TENM4: variants seen among roughly 807,000 people sequenced by gnomAD.
The protein encoded by TENM4 is teneurin transmembrane protein 4, also known as teneurin-4.
In TENM4, 82 loss-of-function variants were observed where a neutral mutation model predicts 243.3. The ratio of observed to expected loss-of-function variants is 0.34; its 90% confidence interval spans 0.28 to 0.40. The LOEUF is 0.40. Ranked by LOEUF, TENM4 falls within the 10% of genes least tolerant of loss-of-function variation. TENM4 has a pLI of 1.00. For missense variants in TENM4, 3,138 were observed against 3,673.3 expected (o/e 0.85, Z 3.77); for synonymous variants, 1,412 against 1,456.3 (o/e 0.97, Z 0.69).
chr11:78,982,086 G>A (rs1336015674), intron 6 of TENM4, among the ~76,000 whole-genome samples: 1 of 152,164 alleles, frequency 6.6e-6, no homozygotes, highest in African/African-American at 2.4e-5. Flanking sequence ...CCGATAAGTA[G>A]GATAATAATA....
At chr11:78,673,473 C>T (rs149922177) in intron 30 of TENM4, among the ~76,000 whole-genome samples, 46 of 152,132 alleles carry the variant, frequency 3.0e-4, no homozygotes, top group African/African-American at 1.0e-3. Context: ...ATGTGTGGAC[C>T]GAGGCAATGA....
intron 4 of TENM4, among the ~76,000 whole-genome samples, chr11:79,147,883 C>T (rs1862421887): frequency 1.3e-5 from 2 of 152,198 alleles, no homozygotes; most frequent in African/African-American, 2.4e-5. Context: ...CAAGACCTGG[C>T]CCATTCCAGT....
At chr11:78,870,222 T>C (rs534628893) in intron 9 of TENM4, among the ~76,000 whole-genome samples, 13 of 152,236 alleles carry the variant, frequency 8.5e-5, no homozygotes, top group Non-Finnish European at 1.5e-4. Context: ...TAAATGGCAG[T>C]TGTATCATCA....
chr11:78,671,308 C>T (rs936994462), intron 31 of TENM4, among the ~76,000 whole-genome samples: 9 of 152,084 alleles, frequency 5.9e-5, no homozygotes, highest in East Asian at 3.9e-4. Flanking sequence ...TTAGTACTAG[C>T]GCAAAATGTC....
intron 1 of TENM4, among the ~76,000 whole-genome samples, chr11:79,315,237 G>A (rs990066237): frequency 6.6e-6 from 1 of 152,194 alleles, no homozygotes; most frequent in African/African-American, 2.4e-5. Context: ...AGGGAAATGA[G>A]AAGAGCTGGA....
chr11:79,427,851 T>C (rs1859088064), intron 1 of TENM4, among the ~76,000 whole-genome samples: 1 of 152,198 alleles, frequency 6.6e-6, no homozygotes, highest in Non-Finnish European at 1.5e-5. Context: ...TATAACATAA[T>C]ACGTGGAACT....
At chr11:78,742,254 A>C (rs779396514) in intron 19 of TENM4, among the ~76,000 whole-genome samples, 6 of 152,216 alleles carry the variant, frequency 3.9e-5, no homozygotes, top group Non-Finnish European at 7.3e-5. Flanking sequence ...ACAATCAAGT[A>C]ACTGAAAGAG....
intron 20 of TENM4, among the ~76,000 whole-genome samples, chr11:78,736,481 C>CGCGT (rs1855799330): frequency 8.3e-6 from 1 of 119,772 alleles, no homozygotes; most frequent in African/African-American, 4.4e-5. Flanking sequence ...TGTGTGTGTG[C>CGCGT]GCGCGCGTGC....
At chr11:79,053,968 T>G (rs1859870471) in intron 6 of TENM4, among the ~76,000 whole-genome samples, 1 of 152,206 alleles carries the variant, frequency 6.6e-6, no homozygotes, top group South Asian at 2.1e-4. Flanking sequence ...AGATTTCTCT[T>G]GACATGCTAG....
At chr11:78,764,045 G>A (rs990867579) in intron 18 of TENM4, among the ~76,000 whole-genome samples, 6 of 147,332 alleles carry the variant, frequency 4.1e-5, no homozygotes, top group East Asian at 2.0e-4. Flanking sequence ...TTGTGTCTGC[G>A]TCCTTATCAG....
At chr11:79,327,880 C>G (rs1856999802) in intron 1 of TENM4, among the ~76,000 whole-genome samples, 1 of 152,086 alleles carries the variant, frequency 6.6e-6, no homozygotes, top group Non-Finnish European at 1.5e-5. Flanking sequence ...TTTTCAAGCC[C>G]TGACCATGAA....
At position 78,708,391 on chromosome 11, in the gene TENM4, G is replaced by C. The variant is rs570972838; in HGVS notation, c.4179C>G (p.Leu1393=). The change falls in exon 27 of 34, where the codon CTC becomes CTG. Residue 1393 remains leucine (L), a synonymous_variant. Coordinates refer to ENST00000278550, the MANE Select transcript of TENM4 (RefSeq NM_001098816.3). ...GSNDLTSARP[L]SCDSVMDISQ... The stretch of plus-strand genomic sequence containing the variant: ...AAATATCCATGACAGAATCACAGCT[G>C]AGTGGCCGGGCTGATGTGAGATCAT... 1 of 1,614,052 alleles carries C rather than the reference G, an allele frequency of 6.2e-7. No individual in the cohort carries two copies. Among genetic ancestry groups the C allele is most frequent in the African/African-American group, 1.3e-5 (1 of 75,060 alleles).
At chr11:78,793,383 C>T (rs1591028112) in intron 15 of TENM4, among the ~76,000 whole-genome samples, 1 of 152,210 alleles carries the variant, frequency 6.6e-6, no homozygotes, top group Non-Finnish European at 1.5e-5. Context: ...CCGGGACCTC[C>T]TGGGAAGTCC....
chr11:78,934,523 C>T (rs2136433096), intron 6 of TENM4, among the ~76,000 whole-genome samples: 1 of 152,270 alleles, frequency 6.6e-6, no homozygotes, highest in East Asian at 1.9e-4. Context: ...AAGGTCCTTC[C>T]AGTACTAAAG....
rs549679513 is a variant in TENM4, at chr11:79,384,998, T to C, written c.-321+55511A>G. On this transcript the variant is annotated intron_variant, in intron 1 of 33. Coordinates refer to ENST00000278550, the MANE Select transcript of TENM4 (RefSeq NM_001098816.3). ...TAAAATGGATGGTCAGGAGCCACCC[T>C]TTCATGAAAAATCACTGCACATTCT... 9.9e-4 allele frequency among the ~76,000 whole-genome samples: 149 copies of C among 150,804 alleles called. 1 individual carries two copies. In the South Asian group the frequency reaches 0.031, roughly 32 times the overall value.
intron 3 of TENM4, among the ~76,000 whole-genome samples, chr11:79,188,253 G>A (rs1863412846): frequency 6.6e-6 from 1 of 152,208 alleles, no homozygotes; most frequent in African/African-American, 2.4e-5. Context: ...CCGAAGACTA[G>A]GAATTGAGAA....
intron 28 of TENM4, among the ~76,000 whole-genome samples, chr11:78,696,323 T>C (rs759209244): frequency 2.6e-5 from 4 of 152,174 alleles, no homozygotes; most frequent in Non-Finnish European, 5.9e-5. Flanking sequence ...TTAAAATAAT[T>C]ATAGTTATTT....
intron 4 of TENM4, among the ~76,000 whole-genome samples, chr11:79,070,537 C>G (rs1421049861): frequency 6.6e-6 from 1 of 152,198 alleles, no homozygotes; most frequent in Non-Finnish European, 1.5e-5. Context: ...ACAACCAACC[C>G]ACACTTACCA....
intron 4 of TENM4, among the ~76,000 whole-genome samples, chr11:79,099,095 G>C (rs1314250268): frequency 6.6e-6 from 1 of 152,160 alleles, no homozygotes. Flanking sequence ...TTGGTACACA[G>C]AGATGTTCCT....
Sources: gnomAD v4.1 joint callset for allele counts (sites outside exome capture counted in the v4.1 genomes callset) on GRCh38, gnomAD v4.1.1 for gene constraint, MANE v1.5 for transcripts, NCBI Gene and HGNC (gene_info 2026-07-23, HGNC 2026-07-21) for gene names.